Variants in JARID2 observed in about 807,000 individuals in gnomAD.
JARID2 encodes the protein jumonji and AT-rich interaction domain containing 2, also known as protein Jumonji.
In JARID2, 21 loss-of-function variants were observed where a neutral mutation model predicts 125.6. The observed-to-expected ratio is 0.17, with a 90% CI of 0.12 to 0.24. The LOEUF is 0.24. JARID2 is among the 10% of genes least tolerant of loss of function. The pLI is 1.00. For synonymous variants in JARID2, 736 were observed against 661.6 expected, an observed-to-expected ratio of 1.11 and a Z score of -1.73; for missense variants, 1,303 against 1,639.6, an observed-to-expected ratio of 0.79 and a Z score of 3.55.
intron 6 of JARID2, among the ~76,000 whole-genome samples, chr6:15,490,712 C>T (rs1770110149): frequency 6.6e-6 from 1 of 152,200 alleles, no homozygotes; most frequent in Non-Finnish European, 1.5e-5. Flanking sequence ...CTGTTGCTTT[C>T]CTGCAGTAGT....
At chr6:15,478,904 A>G (rs1367344228) in intron 5 of JARID2, among the ~76,000 whole-genome samples, 1 of 151,996 alleles carries the variant, frequency 6.6e-6, no homozygotes, top group Non-Finnish European at 1.5e-5. Context: ...AGCTCAGGTG[A>G]TCCGCCTGCC....
chr6:15,415,574 G>GCAGAGGC (rs1766125500), intron 3 of JARID2, among the ~76,000 whole-genome samples: 1 of 129,612 alleles, frequency 7.7e-6, no homozygotes, highest in Non-Finnish European at 1.8e-5. Flanking sequence ...TCCCGGACGG[G>GCAGAGGC]GCTGCTGGCC....
chr6:15,448,032 T>A (rs1458084033), intron 3 of JARID2, among the ~76,000 whole-genome samples: 1 of 152,174 alleles, frequency 6.6e-6, no homozygotes, highest in Non-Finnish European at 1.5e-5. Context: ...GGGCTCTTAA[T>A]CCCCACGGGA....
chr6:15,503,829 C>T lies in JARID2; in HGVS notation c.2449-671C>T, dbSNP rs191122668. 1.8e-3 allele frequency among the ~76,000 whole-genome samples: 279 copies of T among 152,306 alleles called. 1 individual carries two copies. The highest frequency in any genetic ancestry group is 6.0e-3 in the African/African-American group (251 of 41,562). ...GGTAGGTAAAAGAAGGTGCTGACTC[C>T]GGATTCCCAAACTGACTCAGCTGTT... On this transcript the variant is annotated intron_variant, in intron 8 of 17. Transcript: ENST00000341776.
chr6:15,486,477 A>C (rs969886220), intron 5 of JARID2, among the ~76,000 whole-genome samples: 13 of 152,228 alleles, frequency 8.5e-5, no homozygotes, highest in African/African-American at 3.1e-4. Context: ...TGTGCCAGGG[A>C]TAGGTGGCAT....
At chr6:15,515,908 G>A (rs1332638540) in intron 16 of JARID2, among the ~76,000 whole-genome samples, 3 of 150,808 alleles carry the variant, frequency 2.0e-5, no homozygotes, top group East Asian at 3.9e-4. Flanking sequence ...GATGTTGAGC[G>A]CCTGTAGTCC....
chr6:15,415,621 G>A (rs1237578778), intron 3 of JARID2, among the ~76,000 whole-genome samples: 2 of 148,458 alleles, frequency 1.3e-5, no homozygotes, highest in Non-Finnish European at 3.0e-5. Flanking sequence ...CCTCCCGGTC[G>A]GGGCGGCTGG....
At chr6:15,419,612 T>C (rs1766394504) in intron 3 of JARID2, among the ~76,000 whole-genome samples, 1 of 152,248 alleles carries the variant, frequency 6.6e-6, no homozygotes. Flanking sequence ...TACATGCAGT[T>C]ATACAAAATA....
At chr6:15,506,870 C>T (rs1298511876) in intron 9 of JARID2, among the ~76,000 whole-genome samples, 4 of 152,166 alleles carry the variant, frequency 2.6e-5, no homozygotes, top group African/African-American at 7.2e-5. Context: ...GGATGGGATA[C>T]TTTGGTGGCT....
At chr6:15,425,405 A>C (rs910416331) in intron 3 of JARID2, among the ~76,000 whole-genome samples, 6 of 129,364 alleles carry the variant, frequency 4.6e-5, no homozygotes, top group African/African-American at 1.8e-4. Flanking sequence ...GAAAGTAGAG[A>C]AGTAAATAAT....
intron 2 of JARID2, among the ~76,000 whole-genome samples, chr6:15,376,433 T>C (rs985388248): frequency 1.3e-5 from 2 of 152,172 alleles, no homozygotes; most frequent in African/African-American, 4.8e-5. Flanking sequence ...AATCATTATT[T>C]TGCTTGGTGC....
intron 1 of JARID2, among the ~76,000 whole-genome samples, chr6:15,309,495 C>G (rs113629642): frequency 3.3e-5 from 5 of 151,960 alleles, no homozygotes; most frequent in Non-Finnish European, 7.4e-5. Flanking sequence ...AATTATGGAA[C>G]GTCTGTTCCG....
Position 15,348,306 on chromosome 6 carries a change from G to A in JARID2, c.46-25811G>A, listed in dbSNP as rs370556444. Among the ~76,000 whole-genome samples, 36 of 152,118 alleles carry A rather than the reference G, an allele frequency of 2.4e-4. No individual in the cohort carries two copies. In the East Asian group the frequency reaches 5.2e-3, roughly 22 times the overall value. ...GGGCTTTCACCATGTTGGCCAGTCCGGTCTGGAACTCCTGACCTCGTGATC... is the reference window on the plus strand; with the variant it reads ...GGGCTTTCACCATGTTGGCCAGTCCAGTCTGGAACTCCTGACCTCGTGATC... On this transcript the variant is annotated intron_variant, in intron 1 of 17. Transcript: ENST00000341776.
intron 3 of JARID2, among the ~76,000 whole-genome samples, chr6:15,442,531 G>A (rs1385879043): frequency 6.6e-6 from 1 of 152,166 alleles, no homozygotes; most frequent in Non-Finnish European, 1.5e-5. Context: ...ACTGTCCTGA[G>A]ACCAGCAGTC....
At chr6:15,445,694 G>A (rs1245103899) in intron 3 of JARID2, among the ~76,000 whole-genome samples, 2 of 152,202 alleles carry the variant, frequency 1.3e-5, no homozygotes, top group African/African-American at 4.8e-5. Flanking sequence ...GTTGTGCTGT[G>A]TGAGGCCATG....
rs185146013 is a variant in JARID2 at position 15,308,423 on chromosome 6, C to T, written c.45+61839C>T. On this transcript the variant is annotated intron_variant, in intron 1 of 17. Coordinates refer to ENST00000341776, the MANE Select transcript of JARID2 (RefSeq NM_004973.4). ...CTGTTTGTCATTTCCCTCAACTCAG[C>T]CTCTCTAAGGATAATGGCTTTTCAC... 1.1e-4 allele frequency among the ~76,000 whole-genome samples: 17 copies of T among 152,270 alleles called. No individual in the cohort carries two copies. In the East Asian group the frequency reaches 2.3e-3, roughly 21 times the overall value.
At chr6:15,400,158 CA>C (rs1437516743) in intron 2 of JARID2, among the ~76,000 whole-genome samples, 1 of 152,052 alleles carries the variant, frequency 6.6e-6, no homozygotes, top group African/African-American at 2.4e-5. Flanking sequence ...TAGATTAGAT[CA>C]ATTTATGTGC....
intron 1 of JARID2, among the ~76,000 whole-genome samples, chr6:15,302,641 C>A (rs139533875): frequency 9.8e-5 from 15 of 152,312 alleles, no homozygotes; most frequent in Admixed American, 5.2e-4. Flanking sequence ...TCAGGCTGTC[C>A]ATTGCCTAGG....
At chr6:15,368,082 G>A (rs950342931) in intron 1 of JARID2, among the ~76,000 whole-genome samples, 1 of 152,140 alleles carries the variant, frequency 6.6e-6, no homozygotes, top group Non-Finnish European at 1.5e-5. Flanking sequence ...TCTTGGTGTA[G>A]TTAGAAACTA....
Sources: allele counts gnomAD v4.1 joint callset (sites outside exome capture counted in the v4.1 genomes callset), GRCh38; gene constraint gnomAD v4.1.1; transcripts MANE v1.5; gene names NCBI Gene and HGNC (gene_info 2026-07-23, HGNC 2026-07-21).